Variants in ULK4 observed in about 807,000 individuals in gnomAD.
ULK4 encodes the protein inactive serine/threonine-protein kinase ULK4.
In ULK4, 133 loss-of-function variants were observed where a neutral mutation model predicts 160.6. That is an observed-to-expected ratio of 0.83 (90% CI 0.72 to 0.96). The LOEUF (loss-of-function observed/expected upper bound fraction) is 0.96. Ranked by LOEUF, ULK4 falls within the 40% of genes least tolerant of loss-of-function variation. The probability of loss-of-function intolerance (pLI) is 0.00; values close to 1 mark genes in which losing one functional copy is unlikely to be tolerated. For synonymous variants in ULK4, 534 were observed against 539.8 expected (o/e 0.99, Z 0.15); for missense variants, 1,580 against 1,499.5 (o/e 1.05, Z -0.89).
Position 41,631,226 on chromosome 3 carries a change from C to CA in ULK4, c.3072-15510dup, listed in dbSNP as rs60063563. Among the ~76,000 whole-genome samples the CA allele has an allele frequency of 3.7e-3, 566 of 151,966 alleles. 3 individuals carry two copies. In the East Asian group the frequency reaches 0.041, roughly 11 times the overall value. On this transcript the variant is annotated intron_variant, in intron 30 of 36. Transcript: ENST00000301831. ...CATATATAGGGAGTTATTTTTCACACAAAAAAAGGAGGGCAGGGTTGAGAT... is the reference window on the plus strand; with the variant it reads ...CATATATAGGGAGTTATTTTTCACACAAAAAAAAGGAGGGCAGGGTTGAGAT...
chr3:41,872,778 T>C (rs1697145752), intron 17 of ULK4, among the ~76,000 whole-genome samples: 1 of 149,816 alleles, frequency 6.7e-6, no homozygotes, highest in South Asian at 2.1e-4. Context: ...CCCCGATACA[T>C]GAATAAAATT....
intron 34 of ULK4, among the ~76,000 whole-genome samples, chr3:41,406,530 G>A (rs753387437): frequency 9.2e-5 from 14 of 152,098 alleles, no homozygotes; most frequent in South Asian, 2.1e-4. Flanking sequence ...TAGGAATAGC[G>A]TTGAATCTGT....
intron 2 of ULK4, among the ~76,000 whole-genome samples, chr3:41,953,721 AC>A (rs1305287360): frequency 3.9e-5 from 6 of 152,030 alleles, no homozygotes; most frequent in Non-Finnish European, 7.4e-5. Context: ...TCCTAAATAC[AC>A]CAAATTCAAA....
chr3:41,383,752 G>A (rs1049083568), intron 35 of ULK4, among the ~76,000 whole-genome samples: 3 of 152,180 alleles, frequency 2.0e-5, no homozygotes, highest in Non-Finnish European at 4.4e-5. Flanking sequence ...AGAATGCAAA[G>A]CACCAGGGAC....
intron 20 of ULK4, among the ~76,000 whole-genome samples, chr3:41,798,795 A>G (rs1180869243): frequency 6.6e-6 from 1 of 152,162 alleles, no homozygotes; most frequent in Non-Finnish European, 1.5e-5. Flanking sequence ...GCTGACTAGC[A>G]GGATCTAGTA....
intron 35 of ULK4, among the ~76,000 whole-genome samples, chr3:41,369,161 C>T (rs1360185452): frequency 6.6e-6 from 1 of 152,146 alleles, no homozygotes; most frequent in African/African-American, 2.4e-5. Context: ...ACTGCTATAG[C>T]ATTTACAACT....
chr3:41,336,139 T>C lies in ULK4; in HGVS notation c.3678+61940A>G, dbSNP rs149421251. Among the ~76,000 whole-genome samples the C allele has an allele frequency of 7.9e-5, 12 of 152,290 alleles. No individual in the cohort carries two copies. In the East Asian group the frequency reaches 2.3e-3, roughly 29 times the overall value. On this transcript the variant is annotated intron_variant, in intron 35 of 36. Transcript: ENST00000301831. Reference sequence around the variant, plus strand: ...TAGGCCAAGAGTGTAAGTGAGAGAATGAGGGCTCAGCTCACCATCCCCGGC... The same window carrying C: ...TAGGCCAAGAGTGTAAGTGAGAGAACGAGGGCTCAGCTCACCATCCCCGGC...
rs993028696 is a variant in ULK4, at chr3:41,671,007, G to A, written c.2979-7308C>T. On this transcript the variant is annotated intron_variant, in intron 29 of 36. Transcript: ENST00000301831. The stretch of plus-strand genomic sequence containing the variant: ...GCACAGACTCAAAACATTATACAAT[G>A]ATTAAGTAAAGGAAAAAAGGTAGAA... 2.0e-5 allele frequency among the ~76,000 whole-genome samples: 3 copies of A among 151,952 alleles called. No individual in the cohort carries two copies. The East Asian group carries it at 5.8e-4, about 29-fold the overall frequency.
Position 41,726,106 on chromosome 3 carries a change from A to G in ULK4, c.2322-8245T>C, listed in dbSNP as rs150359347. ...AGGAATAAATTTTTCTCTAAAGTTT[A>G]AATTATCCATTATAAAATTTGATAA... On this transcript the variant is annotated intron_variant, in intron 22 of 36. Coordinates refer to ENST00000301831, the MANE Select transcript of ULK4 (RefSeq NM_017886.4). 4.1e-3 allele frequency among the ~76,000 whole-genome samples: 625 copies of G among 152,382 alleles called. 3 individuals carry two copies. Among genetic ancestry groups the G allele is most frequent in the Middle Eastern group, 0.017 (5 of 294 alleles).
intron 35 of ULK4, among the ~76,000 whole-genome samples, chr3:41,298,994 T>C (rs915860749): frequency 2.0e-5 from 3 of 152,222 alleles, no homozygotes; most frequent in Admixed American, 6.5e-5. Context: ...TCTCCCAGCA[T>C]CCACACCTCT....
intron 35 of ULK4, among the ~76,000 whole-genome samples, chr3:41,280,775 A>G (rs2079335684): frequency 6.6e-6 from 1 of 152,186 alleles, no homozygotes; most frequent in Admixed American, 6.5e-5. Flanking sequence ...AAACACATTC[A>G]AAAGCTAGCA....
At chr3:41,591,587 G>T (rs917687411) in intron 31 of ULK4, among the ~76,000 whole-genome samples, 2 of 152,104 alleles carry the variant, frequency 1.3e-5, no homozygotes, top group Non-Finnish European at 2.9e-5. Context: ...CTGGGCCGCA[G>T]GTTAGACAAG....
chr3:41,918,370 G>T (rs1387961122), intron 7 of ULK4, 87 bp downstream of exon 7: 1 of 803,560 alleles, frequency 1.2e-6, no homozygotes, highest in South Asian at 2.0e-5. Flanking sequence ...GGGGAGTTAT[G>T]AATCAATAAA....
intron 30 of ULK4, among the ~76,000 whole-genome samples, chr3:41,618,114 TG>T (rs2033066838): frequency 6.6e-6 from 1 of 152,146 alleles, no homozygotes; most frequent in African/African-American, 2.4e-5. Flanking sequence ...CCAAGAAATA[TG>T]GGACTATGTG....
At chr3:41,418,590 C>A (rs2082587980) in intron 34 of ULK4, among the ~76,000 whole-genome samples, 1 of 152,136 alleles carries the variant, frequency 6.6e-6, no homozygotes, top group Admixed American at 6.5e-5. Context: ...TATGAGAACT[C>A]CCATGCCATG....
chr3:41,312,128 C>A (rs913454670), intron 35 of ULK4, among the ~76,000 whole-genome samples: 1 of 152,128 alleles, frequency 6.6e-6, no homozygotes, highest in Admixed American at 6.5e-5. Context: ...ATATGTACTA[C>A]CAAACATGGC....
chr3:41,295,152 C>G (rs1052543241), intron 35 of ULK4, among the ~76,000 whole-genome samples: 7 of 152,214 alleles, frequency 4.6e-5, no homozygotes, highest in African/African-American at 1.7e-4. Flanking sequence ...CACATAAATA[C>G]AGTCAACTGA....
chr3:41,603,928 T>A (rs1216480678), intron 31 of ULK4, among the ~76,000 whole-genome samples: 1 of 152,126 alleles, frequency 6.6e-6, no homozygotes, highest in Non-Finnish European at 1.5e-5. Context: ...CCCTATACCA[T>A]AACTATTCAA....
chr3:41,539,635 G>A (rs892681364), intron 32 of ULK4, among the ~76,000 whole-genome samples: 17 of 152,080 alleles, frequency 1.1e-4, no homozygotes, highest in African/African-American at 4.1e-4. Flanking sequence ...GTGTAAGTAA[G>A]GACCCTGACA....
Sources: allele counts gnomAD v4.1 joint callset (sites outside exome capture counted in the v4.1 genomes callset), GRCh38; gene constraint gnomAD v4.1.1; transcripts MANE v1.5; gene names NCBI Gene and HGNC (gene_info 2026-07-23, HGNC 2026-07-21).